MLEC: variants seen among roughly 807,000 people sequenced by gnomAD.
MLEC encodes oligosaccharyltransferase complex subunit (non-catalytic).
MLEC carries 7 observed loss-of-function variants against 28.7 expected under a neutral mutation model. The ratio of observed to expected loss-of-function variants is 0.24; its 90% CI spans 0.14 to 0.46. The LOEUF (loss-of-function observed/expected upper bound fraction) is 0.46. Among genes scored for constraint, MLEC ranks in the 20% least tolerant of loss-of-function variants. The pLI, the probability that MLEC is intolerant of heterozygous loss-of-function variation, is 0.99. For synonymous variants in MLEC, 142 were observed against 164.4 expected (o/e 0.86, Z 1.04); for missense variants, 237 against 391.1 (o/e 0.61, Z 3.32).
intron 1 of MLEC, among the ~76,000 whole-genome samples, chr12:120,690,355 C>CT (rs568978538): frequency 8.5e-5 from 13 of 152,226 alleles, no homozygotes; most frequent in African/African-American, 2.9e-4. Flanking sequence ...CCTCTTCACT[C>CT]TGACTAGGAA....
At position 120,695,139 on chromosome 12, in the gene MLEC, T is replaced by G; in HGVS notation, c.636T>G (p.Ala212=). 1 of 1,614,222 alleles carries G rather than the reference T, an allele frequency of 6.2e-7. No homozygotes were observed. The highest frequency in any genetic ancestry group is 8.5e-7 in the Non-Finnish European group (1 of 1,180,036). Residue 212 remains alanine (A), a synonymous_variant, in exon 4 of 5, where the codon GCT becomes GCG. Coordinates refer to ENST00000228506, the MANE Select transcript of MLEC (RefSeq NM_014730.4). ...AGGTCTGTGCACTCTACATCATGGC[T>G]GGGACAGTGGATGGTAGGTTGTGTT... The part of the protein sequence containing the change: ...NPKVCALYIM[A]GTVDDVPKLQ...
In MLEC at chr12:120,694,050, TC is replaced by T. The variant is rs1882131802; in HGVS notation, c.236-40del. On this transcript the variant is annotated intron_variant, in intron 1 of 4. Transcript: ENST00000228506. This position sits in a 1 kb window ranked among gnomAD's most constrained non-coding sequence, Gnocchi z 4.5. Reference sequence around the variant, plus strand: ...CTGGGGTCTTTGCTTTTCTTTTGTGTCTTGCCTCTGATGTGCTTTCTCTTTG... The same window carrying T: ...CTGGGGTCTTTGCTTTTCTTTTGTGTTTGCCTCTGATGTGCTTTCTCTTTG... The T allele has an allele frequency of 7.6e-6, 12 of 1,578,058 alleles. No individual in the cohort carries two copies. The highest frequency in any genetic ancestry group is 1.0e-5 in the Non-Finnish European group (12 of 1,157,566).
In MLEC at chr12:120,695,224, T is replaced by C. The variant is rs145544824; in HGVS notation, c.649+72T>C. 2.0e-4 allele frequency: 310 copies of C among 1,532,824 alleles called. 1 individual carries two copies. In the African/African-American group the frequency reaches 3.9e-3, roughly 19 times the overall value. 95.0% of individuals were successfully genotyped at this position (1,532,824 alleles called of 1,614,324 possible). On this transcript the variant is annotated intron_variant, in intron 4 of 4. Coordinates refer to ENST00000228506, the MANE Select transcript of MLEC (RefSeq NM_014730.4). ...GGTTGAGGAAGCCCTTGGGAGGTAATTGAGCTGATGACTATTTTGGAAACA... is the reference window on the plus strand; with the variant it reads ...GGTTGAGGAAGCCCTTGGGAGGTAACTGAGCTGATGACTATTTTGGAAACA...
rs1475105383 is a variant in MLEC at position 120,700,436 on chromosome 12, G to A, written c.*3891G>A. ...AGGTGAGCTTTCCAAAGTGAGAGAC[G>A]AATCTTTCTTTCTTTTTTTTTTTAA... On this transcript the variant is annotated 3_prime_UTR_variant, in exon 5 of 5. Transcript: ENST00000228506. The surrounding 1 kb of genome is among the most constrained non-coding windows in gnomAD (Gnocchi z 4.0). 2.6e-5 allele frequency: 4 copies of A among 152,524 alleles called. No homozygotes were observed. Among genetic ancestry groups the A allele is most frequent in the Non-Finnish European group, 4.4e-5 (3 of 68,020 alleles). 9.4% of individuals were successfully genotyped at this position (152,524 alleles called of 1,614,324 possible).
At position 120,695,173 on chromosome 12, in the gene MLEC, C is replaced by T. The variant is rs775355264; in HGVS notation, c.649+21C>T. The T allele has an allele frequency of 3.7e-6, 6 of 1,613,734 alleles. No homozygotes were observed. In the African/African-American group the frequency reaches 5.3e-5, roughly 14 times the overall value. ...GGATGGTAGGTTGTGTTCTGACCTG[C>T]TTTTTTGACTTGAGTGGAGGGATAT... On this transcript the variant is annotated intron_variant, in intron 4 of 4. Transcript: ENST00000228506.
rs1490587740 is a variant in MLEC, at chr12:120,701,183, G to A, written c.*4638G>A. 1.3e-5 allele frequency: 2 copies of A among 152,214 alleles called. No individual in the cohort carries two copies. The highest frequency in any genetic ancestry group is 2.1e-4 in the South Asian group (1 of 4,830). The allele number at this position is 152,214 out of a possible 1,614,324, so 9.4% of individuals were successfully genotyped here. On this transcript the variant is annotated 3_prime_UTR_variant, in exon 5 of 5. Transcript: ENST00000228506. The surrounding 1 kb of genome is among the most constrained non-coding windows in gnomAD (Gnocchi z 4.0). ...GAGCTTCAGTGCTTTATTTCAGTATGAGGAAAAACAACAACAAACTGAAGT... is the reference window on the plus strand; with the variant it reads ...GAGCTTCAGTGCTTTATTTCAGTATAAGGAAAAACAACAACAAACTGAAGT...
Position 120,694,973 on chromosome 12 carries a change from A to G in MLEC, c.564A>G (p.Thr188=). ...LSVQGEVSTF[T]GKLYIEFVKG... ...TCCAGGGGGAGGTGTCCACCTTCAC[A>G]GGGAAACTCTACATTGAGTTTGTCA... Residue 188 remains threonine, a synonymous_variant, in exon 3 of 5, where the codon ACA becomes ACG. Coordinates refer to ENST00000228506, the MANE Select transcript of MLEC (RefSeq NM_014730.4). This position sits in a 1 kb window ranked among gnomAD's most constrained non-coding sequence, Gnocchi z 4.5. 6.2e-7 allele frequency: 1 copy of G among 1,614,198 alleles called. No homozygotes were observed. Among genetic ancestry groups the G allele is most frequent in the Non-Finnish European group, 8.5e-7 (1 of 1,180,022 alleles).
At position 120,699,130 on chromosome 12, in the gene MLEC, CTTTATT is replaced by C. The variant is rs1882351008; in HGVS notation, c.*2595_*2600del. On this transcript the variant is annotated 3_prime_UTR_variant, in exon 5 of 5. Coordinates refer to ENST00000228506, the MANE Select transcript of MLEC (RefSeq NM_014730.4). ...AAGTTTAGGTTAAAGGGGTGGGATT[CTTTATT>C]TTTATTTTTGTATTGTATGTGTCAA... is the stretch of plus-strand genomic sequence containing the variant. 4 of 152,368 alleles carry C rather than the reference CTTTATT, an allele frequency of 2.6e-5. No individual in the cohort carries two copies. The highest frequency in any genetic ancestry group is 5.9e-5 in the Non-Finnish European group (4 of 67,974). The allele number at this position is 152,368 out of a possible 1,614,324, so 9.4% of individuals were successfully genotyped here. A position where few individuals can be genotyped will look rare whatever the true frequency, so the allele number is the denominator to read the frequency against.
rs931973391 is a variant in MLEC, at chr12:120,696,616, G to A, written c.*71G>A. On this transcript the variant is annotated 3_prime_UTR_variant, in exon 5 of 5. Coordinates refer to ENST00000228506, the MANE Select transcript of MLEC (RefSeq NM_014730.4). This position sits in a 1 kb window ranked among gnomAD's most constrained non-coding sequence, Gnocchi z 5.4. ...ACCAGCCATATTGGTTTTGGTTTCT[G>A]TATTTTTCACAATGATTAATGAACA... The A allele has an allele frequency of 2.6e-6, 4 of 1,564,276 alleles. No individual in the cohort carries two copies. The highest frequency in any genetic ancestry group is 1.7e-4 in the Middle Eastern group (1 of 5,818).
rs1566014919 is a variant in MLEC, at chr12:120,696,802, G to A, written c.*257G>A. 3.8e-6 allele frequency: 2 copies of A among 519,678 alleles called. No homozygotes were observed. Among genetic ancestry groups the A allele is most frequent in the East Asian group, 6.9e-5 (2 of 28,956 alleles). The allele number at this position is 519,678 out of a possible 1,614,324, so 32.2% of individuals were successfully genotyped here. A position where few individuals can be genotyped will look rare whatever the true frequency, so the allele number is the denominator to read the frequency against. On this transcript the variant is annotated 3_prime_UTR_variant, in exon 5 of 5. Transcript: ENST00000228506. This position sits in a 1 kb window ranked among gnomAD's most constrained non-coding sequence, Gnocchi z 5.4. ...TTCTCTTTCCTCTTGAGGATACTTAGGGTAAACTGGATCCTTCCTGCTCAA... is the reference window on the plus strand; with the variant it reads ...TTCTCTTTCCTCTTGAGGATACTTAAGGTAAACTGGATCCTTCCTGCTCAA...
chr12:120,695,388 C>CT (rs1459475903), intron 4 of MLEC, among the ~76,000 whole-genome samples: 1 of 152,208 alleles, frequency 6.6e-6, no homozygotes, highest in Non-Finnish European at 1.5e-5. Flanking sequence ...TGGATGGATG[C>CT]TTTTAATTTC....
intron 1 of MLEC, among the ~76,000 whole-genome samples, chr12:120,690,238 T>C (rs1881988964): frequency 6.6e-6 from 1 of 152,210 alleles, no homozygotes; most frequent in South Asian, 2.1e-4. Context: ...CTTGAACTTC[T>C]GTCCTCAAGT....
rs1166978781 is a variant in MLEC at position 120,700,993 on chromosome 12, A to T, written c.*4448A>T. 1 of 152,376 alleles carries T rather than the reference A, an allele frequency of 6.6e-6. No individual in the cohort carries two copies. The highest frequency in any genetic ancestry group is 1.9e-4 in the East Asian group (1 of 5,184). 9.4% of individuals were successfully genotyped at this position (152,376 alleles called of 1,614,324 possible). A position where few individuals can be genotyped will look rare whatever the true frequency, so the allele number is the denominator to read the frequency against. On this transcript the variant is annotated 3_prime_UTR_variant, in exon 5 of 5. Coordinates refer to ENST00000228506, the MANE Select transcript of MLEC (RefSeq NM_014730.4). The surrounding 1 kb of genome is among the most constrained non-coding windows in gnomAD (Gnocchi z 4.0). The stretch of plus-strand genomic sequence containing the variant: ...TGGATCTCTTGGGACAGGTTCCCCC[A>T]GGAGTATAAACACAAGGAGCCAGGA...
chr12:120,699,812 T>A lies in MLEC; in HGVS notation c.*3267T>A, dbSNP rs1882379336. On this transcript the variant is annotated 3_prime_UTR_variant, in exon 5 of 5. Transcript: ENST00000228506. ...TGCCTAAGAGCTACTGGGATCACGT[T>A]AGCGGGCATTTAGGCTTTGATGAGA... 1 of 152,658 alleles carries A rather than the reference T, an allele frequency of 6.6e-6. No homozygotes were observed. The highest frequency in any genetic ancestry group is 1.5e-5 in the Non-Finnish European group (1 of 68,052). The allele number at this position is 152,658 out of a possible 1,614,324, so 9.5% of individuals were successfully genotyped here.
Position 120,692,117 on chromosome 12 carries a change from G to A in MLEC, c.236-1974G>A, listed in dbSNP as rs567196524. ...GGAGGTTGCAGTGAGCTGAGATTGC[G>A]CCATTGCACTCCAGCTTGGGCAACA... On this transcript the variant is annotated intron_variant, in intron 1 of 4. Coordinates refer to ENST00000228506, the MANE Select transcript of MLEC (RefSeq NM_014730.4). Among the ~76,000 whole-genome samples the A allele has an allele frequency of 3.3e-5, 5 of 152,188 alleles. 1 individual carries two copies. The highest frequency in any genetic ancestry group is 3.9e-4 in the East Asian group (2 of 5,176).
intron 1 of MLEC, among the ~76,000 whole-genome samples, chr12:120,688,278 G>A (rs183908524): frequency 1.3e-5 from 2 of 152,340 alleles, no homozygotes; most frequent in African/African-American, 4.8e-5. Context: ...GGCAACAGTG[G>A]TTTTTAACGG....
intron 1 of MLEC, among the ~76,000 whole-genome samples, chr12:120,692,030 C>A (rs938533233): frequency 6.6e-6 from 1 of 152,040 alleles, no homozygotes; most frequent in East Asian, 1.9e-4. Context: ...CGTGGTGATG[C>A]GTGCCTGTAA....
rs748457773 is a variant in MLEC, at chr12:120,694,980, C to G, written c.571C>G (p.Leu191Val). Residue 191 changes from leucine to valine, a missense_variant, in exon 3 of 5, where the codon CTC (leucine) becomes GTC (valine). By Grantham distance (32) the Leu-to-Val change is conservative. Coordinates refer to ENST00000228506, the MANE Select transcript of MLEC (RefSeq NM_014730.4). This position sits in a 1 kb window ranked among gnomAD's most constrained non-coding sequence, Gnocchi z 4.5. Reference protein sequence around the residue: ...QGEVSTFTGKLYIEFVKGYYD... With the variant: ...QGEVSTFTGKVYIEFVKGYYD... ...GGAGGTGTCCACCTTCACAGGGAAA[C>G]TCTACATTGAGTTTGTCAAGGTAAT... 3 of 1,614,128 alleles carry G rather than the reference C, an allele frequency of 1.9e-6. No homozygotes were observed. The highest frequency in any genetic ancestry group is 1.7e-6 in the Non-Finnish European group (2 of 1,180,024).
In MLEC at chr12:120,696,983, A is replaced by G. The variant is rs1882267717; in HGVS notation, c.*438A>G. 6.2e-6 allele frequency: 1 copy of G among 161,412 alleles called. No homozygotes were observed. Among genetic ancestry groups the G allele is most frequent in the African/African-American group, 2.4e-5 (1 of 41,512 alleles). 10.0% of individuals were successfully genotyped at this position (161,412 alleles called of 1,614,324 possible). On this transcript the variant is annotated 3_prime_UTR_variant, in exon 5 of 5. Transcript: ENST00000228506. This position sits in a 1 kb window ranked among gnomAD's most constrained non-coding sequence, Gnocchi z 5.4. ...GTACGGTCTGAAGTTATGTCTAGAT[A>G]AGACTTCAGACGTCCTGGGATTGAA...
Sources: allele counts gnomAD v4.1 joint callset (sites outside exome capture counted in the v4.1 genomes callset), GRCh38; gene constraint gnomAD v4.1.1; non-coding constraint Gnocchi (gnomAD v3.1); transcripts MANE v1.5; gene names NCBI Gene and HGNC (gene_info 2026-07-23, HGNC 2026-07-21).